SCARA3: variants seen among roughly 807,000 people sequenced by gnomAD.
SCARA3 encodes cellular stress response gene protein.
A neutral mutation model predicts 47.0 loss-of-function variants in SCARA3; 39 were observed. The observed-to-expected ratio is 0.83, with a 90% CI of 0.64 to 1.08. The LOEUF (loss-of-function observed/expected upper bound fraction) is 1.08, where lower values mean the gene tolerates loss of function less well. SCARA3 is among the 50% of genes least tolerant of loss of function. SCARA3 has a pLI of 0.00. For missense variants in SCARA3, 724 were observed against 792.3 expected, an observed-to-expected ratio of 0.91 and a Z score of 1.04; for synonymous variants, 356 against 334.1, an observed-to-expected ratio of 1.07 and a Z score of -0.71.
Position 27,659,526 on chromosome 8 carries a change from C to G in SCARA3, c.1356C>G (p.Val452=). The G allele has an allele frequency of 6.2e-7, 1 of 1,606,986 alleles. No individual in the cohort carries two copies. Among genetic ancestry groups the G allele is most frequent in the Non-Finnish European group, 8.5e-7 (1 of 1,175,514 alleles). The change falls in exon 5 of 6, where the codon GTC becomes GTG. Residue 452 remains valine, a synonymous_variant. Transcript: ENST00000301904. ...DTQHGEILRN[V]TILRGAPGPP... ...AGCATGGAGAAATCCTTCGCAATGT[C>G]ACCATCCTACGAGGTAAGAGCTGGG...
chr8:27,723,514 A>G, the SCARA3 span, among the ~76,000 whole-genome samples: 40,729 of 152,060 alleles, frequency 0.27, 6,548 homozygotes, highest in Middle Eastern at 0.39. Context: ...CTTACAAATT[A>G]CTTCATCTAC....
At chr8:27,720,226 G>T in the SCARA3 span, among the ~76,000 whole-genome samples, 1 of 152,132 alleles carries the variant, frequency 6.6e-6, no homozygotes, top group African/African-American at 2.4e-5. Flanking sequence ...AGGGTGCTGA[G>T]CAAGTCTGAG....
At chr8:27,705,456 G>A in the SCARA3 span, among the ~76,000 whole-genome samples, 1 of 152,224 alleles carries the variant, frequency 6.6e-6, no homozygotes, top group African/African-American at 2.4e-5. Flanking sequence ...CAAAGCAAAT[G>A]CAGCTCAAAA....
chr8:27,716,867 C>T, the SCARA3 span, among the ~76,000 whole-genome samples: 1 of 152,188 alleles, frequency 6.6e-6, no homozygotes, highest in Non-Finnish European at 1.5e-5. Context: ...AAAACGAACA[C>T]CGCCAGGAAT....
chr8:27,643,696 G>T (rs151238356), intron 1 of SCARA3, among the ~76,000 whole-genome samples: 2 of 152,206 alleles, frequency 1.3e-5, no homozygotes, highest in African/African-American at 4.8e-5. Flanking sequence ...TATTTTTACC[G>T]ATCCAATTGG....
rs867475578 is a variant in SCARA3, at chr8:27,672,456, G to A, written c.*1105G>A. ...CATTCCCCAAGGGGGCTCCTCTGGAGTGGTGGGGAGGATTAGGCTGCAGAA... is the reference window on the plus strand; with the variant it reads ...CATTCCCCAAGGGGGCTCCTCTGGAATGGTGGGGAGGATTAGGCTGCAGAA... On this transcript the variant is annotated 3_prime_UTR_variant, in exon 6 of 6. Transcript: ENST00000301904. 1.0e-6 allele frequency: 1 copy of A among 985,662 alleles called. No homozygotes were observed. 61.1% of individuals were successfully genotyped at this position (985,662 alleles called of 1,614,324 possible). A position where few individuals can be genotyped will look rare whatever the true frequency, so the allele number is the denominator to read the frequency against.
At position 27,633,987 on chromosome 8, in the gene SCARA3, G is replaced by GA. The variant is rs1801190925; in HGVS notation, c.-214_-213insA. 11 of 262,896 alleles carry GA rather than the reference G, an allele frequency of 4.2e-5. No individual in the cohort carries two copies. The East Asian group carries it at 7.7e-4, about 18-fold the overall frequency. The allele number at this position is 262,896 out of a possible 1,614,324, so 16.3% of individuals were successfully genotyped here. A position where few individuals can be genotyped will look rare whatever the true frequency, so the allele number is the denominator to read the frequency against. On this transcript the variant is annotated 5_prime_UTR_variant, in exon 1 of 6. Coordinates refer to ENST00000301904, the MANE Select transcript of SCARA3 (RefSeq NM_016240.3). ...GGGGCGCGGCGCTAGGCGCCCGGCG[G>GA]GGCTTCCCCAGGCTGCGACCCCGCG...
intron 5 of SCARA3, among the ~76,000 whole-genome samples, chr8:27,667,542 G>T (rs975038155): frequency 6.6e-6 from 1 of 152,172 alleles, no homozygotes; most frequent in African/African-American, 2.4e-5. Context: ...GAGCCTCTCG[G>T]GTCTGGATTG....
the SCARA3 span, among the ~76,000 whole-genome samples, chr8:27,727,806 C>G: frequency 6.6e-6 from 1 of 152,226 alleles, no homozygotes; most frequent in Non-Finnish European, 1.5e-5. Flanking sequence ...AGAAGGGATT[C>G]TGGTTGTAAG....
At position 27,658,897 on chromosome 8, in the gene SCARA3, G is replaced by A. The variant is rs267601882; in HGVS notation, c.727G>A (p.Glu243Lys). ...WIHGIQRKTD[E>K]ETLTLQKIVT... ...CCACGGGATCCAGCGGAAGACAGAC[G>A]AGGAGACCCTGACCCTCCAGAAGAT... The change falls in exon 5 of 6, where the codon GAG (glutamate) becomes AAG (lysine). Residue 243 changes from glutamate to lysine, a missense_variant. Physicochemically the swap from Glu to Lys is moderately conservative, Grantham distance 56. Coordinates refer to ENST00000301904, the MANE Select transcript of SCARA3 (RefSeq NM_016240.3). 2.3e-5 allele frequency: 37 copies of A among 1,613,972 alleles called. No individual in the cohort carries two copies. The highest frequency in any genetic ancestry group is 6.7e-5 in the Admixed American group (4 of 59,998).
At chr8:27,691,706 C>T in the SCARA3 span, among the ~76,000 whole-genome samples, 5 of 152,130 alleles carry the variant, frequency 3.3e-5, no homozygotes, top group African/African-American at 1.2e-4. Context: ...AGACCTTGGG[C>T]CCATTTCCTT....
At chr8:27,717,522 C>A in the SCARA3 span, among the ~76,000 whole-genome samples, 1 of 152,178 alleles carries the variant, frequency 6.6e-6, no homozygotes, top group Non-Finnish European at 1.5e-5. Context: ...CAGTGGCCCC[C>A]ACCTGTAATC....
At chr8:27,723,809 C>G in the SCARA3 span, among the ~76,000 whole-genome samples, 2 of 152,238 alleles carry the variant, frequency 1.3e-5, no homozygotes, top group Non-Finnish European at 2.9e-5. Flanking sequence ...GATCTCAGCT[C>G]ACTGCAACCT....
chr8:27,688,139 A>G, the SCARA3 span, among the ~76,000 whole-genome samples: 1 of 152,212 alleles, frequency 6.6e-6, no homozygotes, highest in Non-Finnish European at 1.5e-5. Context: ...CTATTCAAAA[A>G]TATTTATTAA....
At chr8:27,728,520 C>T in the SCARA3 span, among the ~76,000 whole-genome samples, 1 of 152,176 alleles carries the variant, frequency 6.6e-6, no homozygotes, top group Non-Finnish European at 1.5e-5. Flanking sequence ...GCTAATCCTC[C>T]CTAAACCCAC....
intron 1 of SCARA3, among the ~76,000 whole-genome samples, chr8:27,648,811 A>C (rs34580416): frequency 0.019 from 2,908 of 149,652 alleles, 114 homozygotes; most frequent in African/African-American, 0.069. Flanking sequence ...GAGAGGGAGG[A>C]GAGAGAAAGA....
downstream of SCARA3, among the ~76,000 whole-genome samples, chr8:27,674,843 C>T (rs1802240215): frequency 3.3e-5 from 5 of 151,736 alleles, no homozygotes; most frequent in South Asian, 1.0e-3. Flanking sequence ...ATTCTCCTGC[C>T]TCAGCCTCCC....
chr8:27,667,976 C>G (rs905879614), intron 5 of SCARA3, among the ~76,000 whole-genome samples: 1 of 152,194 alleles, frequency 6.6e-6, no homozygotes, highest in South Asian at 2.1e-4. Context: ...GGGTGAGAAG[C>G]GGCAGCTGTG....
chr8:27,706,246 C>T, the SCARA3 span, among the ~76,000 whole-genome samples: 1 of 152,172 alleles, frequency 6.6e-6, no homozygotes, highest in Non-Finnish European at 1.5e-5. Flanking sequence ...AACTCTGCCT[C>T]CTGGATTCAA....
Sources: gnomAD v4.1 joint callset for allele counts (sites outside exome capture counted in the v4.1 genomes callset) on GRCh38, gnomAD v4.1.1 for gene constraint, MANE v1.5 for transcripts, NCBI Gene and HGNC (gene_info 2026-07-23, HGNC 2026-07-21) for gene names.